Variants in ARMC8 observed in about 807,000 individuals in gnomAD.
ARMC8 encodes the protein armadillo repeat-containing protein 8.
In ARMC8, 20 loss-of-function variants were observed where a neutral mutation model predicts 99.3. That is an observed-to-expected ratio of 0.20 (90% CI 0.14 to 0.29). ARMC8 has a LOEUF of 0.29. Ranked by LOEUF, ARMC8 falls within the 10% of genes least tolerant of loss-of-function variation. The probability of loss-of-function intolerance (pLI) is 1.00; values close to 1 mark genes in which losing one functional copy is unlikely to be tolerated. For missense variants in ARMC8, 569 were observed against 809.5 expected (o/e 0.70, Z 3.60); for synonymous variants, 263 against 278.3 (o/e 0.95, Z 0.55).
intron 15 of ARMC8, among the ~76,000 whole-genome samples, chr3:138,268,762 C>T (rs977829419): frequency 2.5e-4 from 38 of 151,448 alleles, no homozygotes; most frequent in Admixed American, 2.2e-3. Context: ...GGCTTCAGAG[C>T]GAGACCCTGT....
At chr3:138,283,984 G>A (rs931917570) in intron 18 of ARMC8, among the ~76,000 whole-genome samples, 20 of 152,196 alleles carry the variant, frequency 1.3e-4, no homozygotes, top group Admixed American at 6.5e-5. Context: ...AGCAGGTGGA[G>A]GCCTAGGAAA....
At chr3:138,278,221 T>G (rs185920579) in intron 18 of ARMC8, among the ~76,000 whole-genome samples, 1 of 152,068 alleles carries the variant, frequency 6.6e-6, no homozygotes, top group African/African-American at 2.4e-5. Context: ...TATATACATT[T>G]GGTAGGCCAG....
intron 1 of ARMC8, 121 bp downstream of exon 1, chr3:138,187,720 C>T: frequency 3.5e-6 from 4 of 1,133,712 alleles, no homozygotes; most frequent in Non-Finnish European, 5.1e-6. Flanking sequence ...CCGGCTCAGT[C>T]TCGGGCCAGG....
chr3:138,252,983 A>G (rs529996659), intron 12 of ARMC8, among the ~76,000 whole-genome samples: 5 of 151,960 alleles, frequency 3.3e-5, no homozygotes, highest in South Asian at 2.1e-4. Flanking sequence ...TGATTTTGGC[A>G]TGTGACAGAC....
Position 138,195,555 on chromosome 3 carries a change from G to A in ARMC8, c.45+7956G>A, listed in dbSNP as rs569431752. The stretch of plus-strand genomic sequence containing the variant: ...AGCCTTCTTATCACCTCCTATTTTC[G>A]CTAAATTTTAAAATACTTACTGTCA... On this transcript the variant is annotated intron_variant, in intron 1 of 21. Transcript: ENST00000469044. 5.3e-4 allele frequency among the ~76,000 whole-genome samples: 80 copies of A among 152,106 alleles called. 1 individual carries two copies. The Middle Eastern group carries it at 0.01, about 19-fold the overall frequency.
chr3:138,273,498 T>C (rs1156782696), intron 17 of ARMC8, among the ~76,000 whole-genome samples: 3 of 152,252 alleles, frequency 2.0e-5, no homozygotes, highest in Non-Finnish European at 4.4e-5. Context: ...TAGAGAATTC[T>C]CAGAGCCATT....
chr3:138,261,014 GAAACTT>G (rs1353732395), intron 12 of ARMC8, among the ~76,000 whole-genome samples: 2 of 152,204 alleles, frequency 1.3e-5, no homozygotes, highest in Non-Finnish European at 2.9e-5. Flanking sequence ...TCCACTGCCT[GAAACTT>G]TTGCCCTAGG....
chr3:138,277,614 A>G (rs1560035675), intron 18 of ARMC8, among the ~76,000 whole-genome samples: 2 of 152,238 alleles, frequency 1.3e-5, no homozygotes, highest in Admixed American at 6.5e-5. Context: ...AAATATCACT[A>G]TGCATCTTTT....
chr3:138,278,225 AG>A (rs1205775557), intron 18 of ARMC8, among the ~76,000 whole-genome samples: 2 of 152,020 alleles, frequency 1.3e-5, no homozygotes, highest in Admixed American at 1.3e-4. Flanking sequence ...TACATTTGGT[AG>A]GCCAGGCACG....
chr3:138,188,427 A>G, intron 1 of ARMC8: 1 of 1,539,876 alleles, frequency 6.5e-7, no homozygotes, highest in Non-Finnish European at 8.8e-7. Context: ...GACGACTTTC[A>G]CCTTTCACTA....
At chr3:138,203,670 C>A (rs2044201859) in intron 1 of ARMC8, among the ~76,000 whole-genome samples, 1 of 152,172 alleles carries the variant, frequency 6.6e-6, no homozygotes, top group Non-Finnish European at 1.5e-5. Context: ...AGTCCTCACT[C>A]AAGGTGAGGG....
intron 20 of ARMC8, 85 bp from the exon 21 acceptor site, chr3:138,290,461 T>C: frequency 9.9e-7 from 1 of 1,013,820 alleles, no homozygotes. Flanking sequence ...TGAAGGACAC[T>C]GGTAAGGCTC....
At chr3:138,215,670 T>C (rs1559936021) in intron 2 of ARMC8, among the ~76,000 whole-genome samples, 1 of 152,154 alleles carries the variant, frequency 6.6e-6, no homozygotes, top group African/African-American at 2.4e-5. Context: ...TCTTCATTTT[T>C]AGAGAGTGTA....
In ARMC8 at chr3:138,187,581, C is replaced by G. The variant is rs1389522036; in HGVS notation, c.27C>G (p.Ile9Met). 6.5e-7 allele frequency: 1 copy of G among 1,535,840 alleles called. No individual in the cohort carries two copies. The highest frequency in any genetic ancestry group is 8.7e-7 in the Non-Finnish European group (1 of 1,146,682). Residue 9 changes from isoleucine (I) to methionine (M), a missense_variant, in exon 1 of 22, where the codon ATC becomes ATG. By Grantham distance (10) the Ile-to-Met change is conservative. Transcript: ENST00000469044. MACLLETPIRMSVLSEVTA... is the reference protein window; with the variant it reads MACLLETPMRMSVLSEVTA... ...TGGCGTGCTTGTTGGAGACCCCAAT[C>G]CGCATGAGCGTCCTTTCGGTGAGTG...
At chr3:138,194,644 A>AT (rs1362025143) in intron 1 of ARMC8, among the ~76,000 whole-genome samples, 289 of 144,522 alleles carry the variant, frequency 2.0e-3, no homozygotes, top group Middle Eastern at 3.7e-3. Context: ...AGCTGTCATT[A>AT]TTTTTTTTTT....
chr3:138,225,109 C>CT (rs34843565), intron 5 of ARMC8, among the ~76,000 whole-genome samples: 59,901 of 113,576 alleles, frequency 0.53, 16,998 homozygotes, highest in East Asian at 0.81. Context: ...TTTCTTCTGG[C>CT]TTTTTTTTTT....
In ARMC8 at chr3:138,203,885, A is replaced by C. The variant is rs551557564; in HGVS notation, c.46-5932A>C. On this transcript the variant is annotated intron_variant, in intron 1 of 21. Coordinates refer to ENST00000469044, the MANE Select transcript of ARMC8 (RefSeq NM_001363941.2). ...TATTCATGGCTGCTTCTGTGCATTT[A>C]ATTGTAGCTGGAGAAAAACAGCCAT... Among the ~76,000 whole-genome samples the C allele has an allele frequency of 3.3e-5, 5 of 152,242 alleles. No homozygotes were observed. The South Asian group carries it at 8.3e-4, about 25-fold the overall frequency.
chr3:138,246,452 GT>G, intron 12 of ARMC8: 1 of 985,246 alleles, frequency 1.0e-6, no homozygotes, highest in Non-Finnish European at 1.2e-6. Context: ...GTTTGGGTAC[GT>G]TGGTGTATTG....
chr3:138,284,214 A>G (rs1310816364), intron 18 of ARMC8, among the ~76,000 whole-genome samples: 1 of 152,188 alleles, frequency 6.6e-6, no homozygotes, highest in African/African-American at 2.4e-5. Flanking sequence ...GGAAGAAACC[A>G]CCAAAGTGTT....
Sources: allele counts gnomAD v4.1 joint callset (sites outside exome capture counted in the v4.1 genomes callset), GRCh38; gene constraint gnomAD v4.1.1; transcripts MANE v1.5; gene names NCBI Gene and HGNC (gene_info 2026-07-23, HGNC 2026-07-21).